Variants in KIAA0825 observed in about 807,000 individuals in gnomAD.
KIAA0825 encodes KIAA0825, also known as uncharacterized protein KIAA0825.
A neutral mutation model predicts 147.6 loss-of-function variants in KIAA0825; 119 were observed. That is an observed-to-expected ratio of 0.81 (90% CI 0.69 to 0.94). The LOEUF is 0.94. KIAA0825 is among the 40% of genes least tolerant of loss of function. The pLI, the probability that KIAA0825 is intolerant of heterozygous loss-of-function variation, is 0.00. For synonymous variants in KIAA0825, 470 were observed against 518.1 expected, an observed-to-expected ratio of 0.91 and a Z score of 1.26; for missense variants, 1,381 against 1,472.7, an observed-to-expected ratio of 0.94 and a Z score of 1.02.
At chr5:94,236,001 A>G (rs182350299) in intron 20 of KIAA0825, among the ~76,000 whole-genome samples, 1 of 152,198 alleles carries the variant, frequency 6.6e-6, no homozygotes, top group African/African-American at 2.4e-5. Flanking sequence ...TCTAATGGAG[A>G]TGTACAAGGA....
intron 6 of KIAA0825, among the ~76,000 whole-genome samples, chr5:94,484,134 A>G (rs1762781424): frequency 6.6e-6 from 1 of 151,712 alleles, no homozygotes; most frequent in South Asian, 2.1e-4. Context: ...GGCTTTTTTC[A>G]AAGGGGTTTT....
rs921447452 is a variant in KIAA0825, at chr5:94,203,365, C to T, written c.3711-49241G>A. 5.3e-5 allele frequency among the ~76,000 whole-genome samples: 8 copies of T among 152,218 alleles called. No homozygotes were observed. The East Asian group carries it at 9.7e-4, about 18-fold the overall frequency. On this transcript the variant is annotated intron_variant, in intron 20 of 20. Transcript: ENST00000682413. Reference sequence around the variant, plus strand: ...TAGTTTTTATGCAATATGCTCACTCCGTCATTTTACCTTGGAGGACAAAAT... The same window carrying T: ...TAGTTTTTATGCAATATGCTCACTCTGTCATTTTACCTTGGAGGACAAAAT...
At chr5:94,275,013 GTAC>G (rs1253195245) in intron 20 of KIAA0825, among the ~76,000 whole-genome samples, 2 of 152,082 alleles carry the variant, frequency 1.3e-5, no homozygotes, top group Non-Finnish European at 2.9e-5. Flanking sequence ...CAAAGTAGAG[GTAC>G]TGTGCTATTG....
intron 3 of KIAA0825, among the ~76,000 whole-genome samples, chr5:94,534,008 C>A (rs750064888): frequency 6.6e-6 from 1 of 152,096 alleles, no homozygotes; most frequent in Non-Finnish European, 1.5e-5. Context: ...AGAAGGAATT[C>A]ATAAATAGAT....
At chr5:94,160,450 ATT>A (rs1398908638) in intron 20 of KIAA0825, among the ~76,000 whole-genome samples, 1 of 149,494 alleles carries the variant, frequency 6.7e-6, no homozygotes, top group Non-Finnish European at 1.5e-5. Context: ...TATATAGTAC[ATT>A]TCTGTATATA....
intron 20 of KIAA0825, among the ~76,000 whole-genome samples, chr5:94,375,469 GT>G (rs1335058736): frequency 6.6e-6 from 1 of 152,048 alleles, no homozygotes; most frequent in Non-Finnish European, 1.5e-5. Flanking sequence ...TGTTATTAAT[GT>G]GCTGAAGTAG....
intron 20 of KIAA0825, among the ~76,000 whole-genome samples, chr5:94,260,574 A>T (rs1776442417): frequency 6.6e-6 from 1 of 152,148 alleles, no homozygotes; most frequent in African/African-American, 2.4e-5. Context: ...AAGTTTCTGA[A>T]GTCAGAATAT....
At chr5:94,596,039 GCTGT>G (rs1457209897) in intron 1 of KIAA0825, among the ~76,000 whole-genome samples, 1 of 152,128 alleles carries the variant, frequency 6.6e-6, no homozygotes, top group East Asian at 1.9e-4. Context: ...CACTCTGCAG[GCTGT>G]CTTTTTACTC....
chr5:94,211,193 T>C (rs1772675420), intron 20 of KIAA0825, among the ~76,000 whole-genome samples: 1 of 152,198 alleles, frequency 6.6e-6, no homozygotes, highest in Non-Finnish European at 1.5e-5. Flanking sequence ...TTAGAAACAC[T>C]ATTAGTGTAG....
chr5:94,489,080 G>A (rs1763400835), intron 5 of KIAA0825, among the ~76,000 whole-genome samples: 1 of 152,098 alleles, frequency 6.6e-6, no homozygotes, highest in South Asian at 2.1e-4. Context: ...CTTGTTGTTG[G>A]TTGTATGGAT....
In KIAA0825 at chr5:94,437,352, G is replaced by A. The variant is rs913439458; in HGVS notation, c.2497+2630C>T. Among the ~76,000 whole-genome samples the A allele has an allele frequency of 3.3e-5, 5 of 152,250 alleles. No homozygotes were observed. The East Asian group carries it at 9.7e-4, about 29-fold the overall frequency. On this transcript the variant is annotated intron_variant, in intron 14 of 20. Coordinates refer to ENST00000682413, the MANE Select transcript of KIAA0825 (RefSeq NM_001145678.3). ...GTCAATCAATTGATCAGTAAATTCA[G>A]TCACTTTATCCTTATGGTATTTGAA...
intron 2 of KIAA0825, among the ~76,000 whole-genome samples, chr5:94,542,927 A>G (rs1482444302): frequency 1.3e-5 from 2 of 152,238 alleles, no homozygotes; most frequent in Non-Finnish European, 2.9e-5. Context: ...TCCTTTAAGG[A>G]ATCAAACTTG....
chr5:94,335,512 A>G (rs1648921538), intron 20 of KIAA0825, among the ~76,000 whole-genome samples: 1 of 152,092 alleles, frequency 6.6e-6, no homozygotes, highest in Admixed American at 6.6e-5. Context: ...TGGCTTTATA[A>G]CTGATCTCTC....
intron 1 of KIAA0825, among the ~76,000 whole-genome samples, chr5:94,610,699 G>A (rs2152437660): frequency 1.4e-5 from 2 of 144,098 alleles, no homozygotes; most frequent in Middle Eastern, 7.4e-3. Context: ...GGGAGGCGGA[G>A]GTTGCAGTGA....
chr5:94,327,835 G>A lies in KIAA0825; in HGVS notation c.3710+56533C>T, dbSNP rs367619679. Among the ~76,000 whole-genome samples the A allele has an allele frequency of 2.1e-4, 32 of 152,032 alleles. No homozygotes were observed. The East Asian group carries it at 4.1e-3, about 19-fold the overall frequency. ...ATCCTGGCCAACAAGGTGAAACCCC[G>A]TCTCTACTAAGAATACAAAAATTAG... On this transcript the variant is annotated intron_variant, in intron 20 of 20. Transcript: ENST00000682413.
At chr5:94,383,534 CTT>C (rs1351741130) in intron 20 of KIAA0825, among the ~76,000 whole-genome samples, 1 of 151,990 alleles carries the variant, frequency 6.6e-6, no homozygotes, top group Non-Finnish European at 1.5e-5. Context: ...AAGCCTCAAA[CTT>C]AGCTATAAGC....
chr5:94,569,111 T>C (rs1770817834), intron 2 of KIAA0825: 1 of 175,658 alleles, frequency 5.7e-6, no homozygotes, highest in Admixed American at 6.3e-5. Context: ...CCTACACTAT[T>C]AAAATTCACC....
At chr5:94,435,643 C>T (rs180804737) in intron 14 of KIAA0825, among the ~76,000 whole-genome samples, 10 of 152,128 alleles carry the variant, frequency 6.6e-5, no homozygotes, top group East Asian at 5.8e-4. Flanking sequence ...TACCCAGTAA[C>T]GGGATTGCTG....
intron 20 of KIAA0825, among the ~76,000 whole-genome samples, chr5:94,354,716 A>G (rs1057414275): frequency 2.6e-5 from 4 of 152,266 alleles, no homozygotes; most frequent in Admixed American, 1.3e-4. Flanking sequence ...GTCTTTTTCA[A>G]TCTTAAAATA....
Sources: gnomAD v4.1 joint callset for allele counts (sites outside exome capture counted in the v4.1 genomes callset) on GRCh38, gnomAD v4.1.1 for gene constraint, MANE v1.5 for transcripts, NCBI Gene and HGNC (gene_info 2026-07-23, HGNC 2026-07-21) for gene names.